The following NCS1 variants were observed in gnomAD, a reference collection of about 807,000 sequenced individuals.
NCS1 encodes frequenin homolog.
In NCS1, 6 loss-of-function variants were observed where a neutral mutation model predicts 28.4. That is an observed-to-expected ratio of 0.21 (90% confidence interval 0.12 to 0.42). The LOEUF is 0.42. Among genes scored for constraint, NCS1 ranks in the 10% least tolerant of loss-of-function variants. The pLI, the probability that NCS1 is intolerant of heterozygous loss-of-function variation, is 1.00. For synonymous variants in NCS1, 86 were observed against 99.3 expected (o/e 0.87, Z 0.79); for missense variants, 131 against 241.4 (o/e 0.54, Z 3.03).
intron 2 of NCS1, 39 bp from the exon 3 acceptor site, chr9:130,217,793 G>A (rs781853035): frequency 9.3e-6 from 15 of 1,613,554 alleles, no homozygotes; most frequent in South Asian, 4.4e-5. Flanking sequence ...TGATGTTGGC[G>A]TCTCCTTTAC....
rs1355832275 is a variant in NCS1, at chr9:130,192,406, C to T, written c.65-8552C>T. Among the ~76,000 whole-genome samples the T allele has an allele frequency of 6.6e-6, 1 of 152,012 alleles. No homozygotes were observed. The highest frequency in any genetic ancestry group is 2.4e-5 in the African/African-American group (1 of 41,350). On this transcript the variant is annotated intron_variant, in intron 1 of 7. Coordinates refer to ENST00000372398, the MANE Select transcript of NCS1 (RefSeq NM_014286.4). This position sits in a 1 kb window ranked among gnomAD's most constrained non-coding sequence, Gnocchi z 4.8. ...GAGCCTGTGCCCACCTTCCTGTCCT[C>T]ACTCCAGCCCTCTCGGGGGCTGCTC...
At chr9:130,220,329 T>C (rs980658494) in intron 4 of NCS1, among the ~76,000 whole-genome samples, 3 of 152,020 alleles carry the variant, frequency 2.0e-5, no homozygotes, top group South Asian at 4.1e-4. Flanking sequence ...AGGGATCCAC[T>C]GGGGGATAAG....
chr9:130,182,686 C>T (rs1446513950), intron 1 of NCS1, among the ~76,000 whole-genome samples: 2 of 152,186 alleles, frequency 1.3e-5, no homozygotes, highest in African/African-American at 2.4e-5. Flanking sequence ...CGTGTGTGGG[C>T]GCTGGGCTGA....
intron 4 of NCS1, among the ~76,000 whole-genome samples, chr9:130,222,104 A>G (rs1554910641): frequency 1.8e-5 from 1 of 56,930 alleles, no homozygotes. Context: ...GTGTGTGTAT[A>G]TATATATACG....
intron 1 of NCS1, among the ~76,000 whole-genome samples, chr9:130,182,997 G>A (rs1832683643): frequency 6.6e-6 from 1 of 152,246 alleles, no homozygotes; most frequent in African/African-American, 2.4e-5. Flanking sequence ...GTGGTCTTTG[G>A]TGTCTGTGGG....
In NCS1 at chr9:130,226,357, C is replaced by G; in HGVS notation, c.475-32C>G. 1 of 1,587,438 alleles carries G rather than the reference C, an allele frequency of 6.3e-7. No homozygotes were observed. Among genetic ancestry groups the G allele is most frequent in the Non-Finnish European group, 8.6e-7 (1 of 1,156,608 alleles). ...GTCTAGAGCCCTCTCCTGGGAGGCC[C>G]TGCACCCTCAGCCGCCTCTCTCTGC... On this transcript the variant is annotated intron_variant, in intron 6 of 7. Transcript: ENST00000372398. This position sits in a 1 kb window ranked among gnomAD's most constrained non-coding sequence, Gnocchi z 4.8.
intron 4 of NCS1, among the ~76,000 whole-genome samples, chr9:130,220,024 A>G (rs373950344): frequency 3.3e-5 from 5 of 152,338 alleles, no homozygotes; most frequent in African/African-American, 1.2e-4. Flanking sequence ...TTCAGAGAGC[A>G]GCGCAGACAT....
At chr9:130,179,021 A>G (rs781917386) in intron 1 of NCS1, among the ~76,000 whole-genome samples, 10 of 135,686 alleles carry the variant, frequency 7.4e-5, no homozygotes, top group Non-Finnish European at 1.4e-4. Flanking sequence ...TGCAATCTCC[A>G]CCTCCCGGGT....
At chr9:130,210,056 G>T (rs1226139362) in intron 2 of NCS1, among the ~76,000 whole-genome samples, 1 of 152,134 alleles carries the variant, frequency 6.6e-6, no homozygotes, top group African/African-American at 2.4e-5. Flanking sequence ...GGGAGGGGCA[G>T]TGAGGGGTCT....
At chr9:130,185,841 G>T (rs548835054) in intron 1 of NCS1, among the ~76,000 whole-genome samples, 1 of 152,248 alleles carries the variant, frequency 6.6e-6, no homozygotes, top group African/African-American at 2.4e-5. Flanking sequence ...CAGCCTTGCC[G>T]GGCCATTGTT....
In NCS1 at chr9:130,206,460, GT is replaced by G. The variant is rs1285911282; in HGVS notation, c.89+5479del. ...GTCTCACTCGGTCGCCCAGGCTAGAGTGCAGTGGCACGATCTCAACTCACTG... is the reference window on the plus strand; with the variant it reads ...GTCTCACTCGGTCGCCCAGGCTAGAGGCAGTGGCACGATCTCAACTCACTG... On this transcript the variant is annotated intron_variant, in intron 2 of 7. Transcript: ENST00000372398. 4.8e-5 allele frequency among the ~76,000 whole-genome samples: 7 copies of G among 146,938 alleles called. No individual in the cohort carries two copies. In the South Asian group the frequency reaches 6.5e-4, roughly 14 times the overall value.
In NCS1 at chr9:130,223,178, GCTGGT is replaced by G; in HGVS notation, c.474+21_474+25del. ...GGATAAGGTGAGGTGGGGGGGCGGG[GCTGGT>G]CCTGGACCAGGGAGGCAAGGTGTCG... On this transcript the variant is annotated intron_variant, in intron 6 of 7. Transcript: ENST00000372398. The G allele has an allele frequency of 1.2e-6, 2 of 1,602,402 alleles. No homozygotes were observed. The highest frequency in any genetic ancestry group is 1.7e-6 in the Non-Finnish European group (2 of 1,169,754).
intron 7 of NCS1, among the ~76,000 whole-genome samples, chr9:130,229,436 G>C (rs1383552277): frequency 6.6e-6 from 1 of 151,906 alleles, no homozygotes; most frequent in Non-Finnish European, 1.5e-5. Flanking sequence ...TGTACTTTTA[G>C]TAGAGATGGG....
At position 130,172,547 on chromosome 9, in the gene NCS1, C is replaced by T. The variant is rs1267621607; in HGVS notation, c.-117C>T. 1.4e-5 allele frequency: 5 copies of T among 359,098 alleles called. No homozygotes were observed. Among genetic ancestry groups the T allele is most frequent in the East Asian group, 3.4e-4 (2 of 5,838 alleles). 22.2% of individuals were successfully genotyped at this position (359,098 alleles called of 1,614,324 possible). On this transcript the variant is annotated 5_prime_UTR_variant, in exon 1 of 8. Coordinates refer to ENST00000372398, the MANE Select transcript of NCS1 (RefSeq NM_014286.4). ...CCCCGGCGCCGACAGCCGCGCAGCG[C>T]AGCGCGGGCGCCGCAGACAAAGGCG...
At chr9:130,184,979 A>T (rs1460620344) in intron 1 of NCS1, among the ~76,000 whole-genome samples, 1 of 151,984 alleles carries the variant, frequency 6.6e-6, no homozygotes, top group Non-Finnish European at 1.5e-5. Flanking sequence ...CTCAAAAAAA[A>T]AAAAAGGGGC....
intron 2 of NCS1, among the ~76,000 whole-genome samples, chr9:130,205,181 G>C (rs1466831715): frequency 1.3e-5 from 2 of 152,112 alleles, no homozygotes; most frequent in African/African-American, 4.8e-5. Context: ...CTCGGTGGTG[G>C]AACTTGGGTC....
At chr9:130,225,234 C>T (rs1202915175) in intron 6 of NCS1, among the ~76,000 whole-genome samples, 4 of 152,212 alleles carry the variant, frequency 2.6e-5, no homozygotes, top group African/African-American at 9.6e-5. Context: ...TCCTGTAACG[C>T]AGGGCTGCTT....
chr9:130,179,233 T>C (rs1832623041), intron 1 of NCS1, among the ~76,000 whole-genome samples: 1 of 152,006 alleles, frequency 6.6e-6, no homozygotes. Flanking sequence ...GTCCCTGGAC[T>C]CATAGTTTTC....
In NCS1 at chr9:130,219,817, C is replaced by A. The variant is rs781817805; in HGVS notation, c.307+14C>A. On this transcript the variant is annotated intron_variant, in intron 4 of 7. Coordinates refer to ENST00000372398, the MANE Select transcript of NCS1 (RefSeq NM_014286.4). This position sits in a 1 kb window ranked among gnomAD's most constrained non-coding sequence, Gnocchi z 5.7. Reference sequence around the variant, plus strand: ...AGAAGCTACGGTGTAAGTCCTGCCCCCTTGGCCCTGTGTGGCAGCAGCTGG... The same window carrying A: ...AGAAGCTACGGTGTAAGTCCTGCCCACTTGGCCCTGTGTGGCAGCAGCTGG... 2 of 1,613,972 alleles carry A rather than the reference C, an allele frequency of 1.2e-6. No individual in the cohort carries two copies. Among genetic ancestry groups the A allele is most frequent in the South Asian group, 2.2e-5 (2 of 91,066 alleles).
Sources: gnomAD v4.1 joint callset for allele counts (sites outside exome capture counted in the v4.1 genomes callset) on GRCh38, gnomAD v4.1.1 for gene constraint, Gnocchi (gnomAD v3.1) non-coding constraint, MANE v1.5 for transcripts, NCBI Gene and HGNC (gene_info 2026-07-23, HGNC 2026-07-21) for gene names.